The following ZMYM4 variants were observed in gnomAD, a reference collection of about 807,000 sequenced individuals.
ZMYM4 encodes the protein zinc finger MYM-type protein 4.
In ZMYM4, 31 loss-of-function variants were observed where a neutral mutation model predicts 183.2. The ratio of observed to expected loss-of-function variants is 0.17; its 90% CI spans 0.13 to 0.23. The LOEUF (loss-of-function observed/expected upper bound fraction) is 0.23, where lower values mean the gene tolerates loss of function less well. Among genes scored for constraint, ZMYM4 ranks in the 10% least tolerant of loss-of-function variants. The pLI is 1.00. For synonymous variants in ZMYM4, 592 were observed against 631.2 expected, an observed-to-expected ratio of 0.94 and a Z score of 0.93; for missense variants, 1,273 against 1,840.3, an observed-to-expected ratio of 0.69 and a Z score of 5.64.
At chr1:35,302,200 C>CCTTTTTTTTTTTTTTTTTTTT (rs1641311910) in intron 1 of ZMYM4, among the ~76,000 whole-genome samples, 1 of 58,556 alleles carries the variant, frequency 1.7e-5, no homozygotes, top group African/African-American at 6.4e-5. Context: ...ACGGCTCTTG[C>CCTTTTTTTTTTTTTTTTTTTT]TTTTTTTTTT....
At chr1:35,388,730 G>A (rs935573926) in intron 13 of ZMYM4, among the ~76,000 whole-genome samples, 180 bp from the exon 14 acceptor site, 1 of 151,730 alleles carries the variant, frequency 6.6e-6, no homozygotes, top group African/African-American at 2.4e-5. Flanking sequence ...TTGACATGGG[G>A]TCTTGCCATG....
Position 35,410,538 on chromosome 1 carries a change from G to A in ZMYM4, c.3948+2379G>A, listed in dbSNP as rs553408343. 3.0e-3 allele frequency among the ~76,000 whole-genome samples: 460 copies of A among 151,816 alleles called. 1 individual carries two copies. Among genetic ancestry groups the A allele is most frequent in the Non-Finnish European group, 4.3e-3 (295 of 67,960 alleles). ...GAGTCTCGCTCTGTCGCCCAGGCTG[G>A]AGTGCAGTGACACCATCTGGGCTCA... is the stretch of plus-strand genomic sequence containing the variant. On this transcript the variant is annotated intron_variant, in intron 26 of 29. Transcript: ENST00000314607.
At chr1:35,394,162 C>CTTTTT (rs34277367) in intron 18 of ZMYM4, among the ~76,000 whole-genome samples, 985 of 68,504 alleles carry the variant, frequency 0.014, 31 homozygotes, top group Middle Eastern at 0.033. Context: ...TCAGAGCTTT[C>CTTTTT]TTTTTTTTTT....
At chr1:35,390,332 C>T (rs1457416429) in intron 15 of ZMYM4, among the ~76,000 whole-genome samples, 1 of 152,074 alleles carries the variant, frequency 6.6e-6, no homozygotes, top group Non-Finnish European at 1.5e-5. Flanking sequence ...TTTATTTCAC[C>T]TGGGTGCAGG....
chr1:35,332,335 G>T (rs143985580), intron 2 of ZMYM4, among the ~76,000 whole-genome samples: 11 of 151,638 alleles, frequency 7.3e-5, no homozygotes, highest in African/African-American at 2.4e-4. Context: ...ATAACTAATG[G>T]TGTAAAACAC....
intron 7 of ZMYM4, among the ~76,000 whole-genome samples, chr1:35,379,402 G>A (rs1381111472): frequency 6.6e-6 from 1 of 152,062 alleles, no homozygotes; most frequent in Non-Finnish European, 1.5e-5. Flanking sequence ...CCCTGCCTAA[G>A]TTTTGCATTT....
rs1333418819 is a variant in ZMYM4, at chr1:35,405,210, G to A, written c.3700+16G>A. 1 of 1,611,100 alleles carries A rather than the reference G, an allele frequency of 6.2e-7. No individual in the cohort carries two copies. Among genetic ancestry groups the A allele is most frequent in the Non-Finnish European group, 8.5e-7 (1 of 1,178,040 alleles). On this transcript the variant is annotated intron_variant, in intron 24 of 29. Coordinates refer to ENST00000314607, the MANE Select transcript of ZMYM4 (RefSeq NM_005095.3). ...AAATGTGGAGGTAAGTGCACAGCAT[G>A]AATTGTATCTTGATTTAGGTAGGGG...
chr1:35,373,858 A>C (rs1644273734), intron 7 of ZMYM4, among the ~76,000 whole-genome samples: 1 of 151,634 alleles, frequency 6.6e-6, no homozygotes, highest in African/African-American at 2.4e-5. Context: ...ACTTCTAAAA[A>C]AGCTATACTT....
In ZMYM4 at chr1:35,389,840, G is replaced by T. The variant is rs1311945979; in HGVS notation, c.2437-108G>T. The T allele has an allele frequency of 7.5e-5, 74 of 988,978 alleles. No individual in the cohort carries two copies. Among genetic ancestry groups the T allele is most frequent in the East Asian group, 3.7e-4 (11 of 29,490 alleles). 61.3% of individuals were successfully genotyped at this position (988,978 alleles called of 1,614,324 possible). ...ATTGATAAAGACAAACTAATTTTTTGATCTAAATTCTAAGTTAATTTCGTC... is the reference window on the plus strand; with the variant it reads ...ATTGATAAAGACAAACTAATTTTTTTATCTAAATTCTAAGTTAATTTCGTC... On this transcript the variant is annotated intron_variant, in intron 14 of 29. Transcript: ENST00000314607. This position sits in a 1 kb window ranked among gnomAD's most constrained non-coding sequence, Gnocchi z 4.0.
intron 2 of ZMYM4, among the ~76,000 whole-genome samples, chr1:35,356,091 T>C (rs1456524341): frequency 1.3e-5 from 2 of 152,176 alleles, no homozygotes; most frequent in Non-Finnish European, 2.9e-5. Flanking sequence ...GCGCCTGTTA[T>C]CTCAGCCACT....
At position 35,351,316 on chromosome 1, in the gene ZMYM4, TG is replaced by T. The variant is rs1643597332; in HGVS notation, c.86-7606del. The stretch of plus-strand genomic sequence containing the variant: ...GCAGAAGTACACCGGAAGCACATCA[TG>T]GGCCAGAAAGTTGCAGATTACATGC... On this transcript the variant is annotated intron_variant, in intron 2 of 29. Coordinates refer to ENST00000314607, the MANE Select transcript of ZMYM4 (RefSeq NM_005095.3). 5.1e-6 allele frequency: 8 copies of T among 1,578,794 alleles called. 1 individual carries two copies. The highest frequency in any genetic ancestry group is 6.9e-6 in the Non-Finnish European group (8 of 1,154,872).
intron 1 of ZMYM4, among the ~76,000 whole-genome samples, chr1:35,300,479 T>C (rs1252114511): frequency 6.6e-6 from 1 of 152,216 alleles, no homozygotes; most frequent in Non-Finnish European, 1.5e-5. Flanking sequence ...AATTGGGAAG[T>C]TTTGGCCATT....
At chr1:35,388,420 G>T (rs1471742592) in intron 13 of ZMYM4, among the ~76,000 whole-genome samples, 1 of 152,150 alleles carries the variant, frequency 6.6e-6, no homozygotes, top group Non-Finnish European at 1.5e-5. Context: ...GGCCAGGCTG[G>T]TCTCCAACTC....
intron 20 of ZMYM4, among the ~76,000 whole-genome samples, chr1:35,398,199 A>G (rs1335981326): frequency 6.6e-6 from 1 of 152,218 alleles, no homozygotes; most frequent in Non-Finnish European, 1.5e-5. Context: ...TCCAAAGCAC[A>G]TGATACTAAC....
At chr1:35,347,600 A>G (rs1340177151) in intron 2 of ZMYM4, among the ~76,000 whole-genome samples, 1 of 152,182 alleles carries the variant, frequency 6.6e-6, no homozygotes, top group East Asian at 1.9e-4. Context: ...CTGAATAGAA[A>G]GGGATATCAG....
intron 1 of ZMYM4, among the ~76,000 whole-genome samples, chr1:35,276,933 C>G (rs557856793): frequency 6.6e-6 from 1 of 152,108 alleles, no homozygotes; most frequent in Non-Finnish European, 1.5e-5. Flanking sequence ...AACTCATACC[C>G]CCTGTGCTCC....
intron 2 of ZMYM4, among the ~76,000 whole-genome samples, chr1:35,356,897 G>A (rs1553172572): frequency 6.6e-6 from 1 of 151,616 alleles, no homozygotes; most frequent in African/African-American, 2.4e-5. Flanking sequence ...AAAAAAGAAA[G>A]AAACAGGGGG....
At chr1:35,367,024 CAAA>C (rs1213113614) in intron 5 of ZMYM4, among the ~76,000 whole-genome samples, 1 of 82,868 alleles carries the variant, frequency 1.2e-5, no homozygotes. Context: ...AACTCCATCT[CAAA>C]AAAAAAAAAA....
intron 15 of ZMYM4, among the ~76,000 whole-genome samples, chr1:35,390,937 G>A (rs1644691092): frequency 6.6e-6 from 1 of 152,196 alleles, no homozygotes; most frequent in South Asian, 2.1e-4. Flanking sequence ...GAATGCTGAG[G>A]TGGGAGGACG....
Sources: gnomAD v4.1 joint callset for allele counts (sites outside exome capture counted in the v4.1 genomes callset) on GRCh38, gnomAD v4.1.1 for gene constraint, Gnocchi (gnomAD v3.1) non-coding constraint, MANE v1.5 for transcripts, NCBI Gene and HGNC (gene_info 2026-07-23, HGNC 2026-07-21) for gene names.